IFT80: variants seen among roughly 807,000 people sequenced by gnomAD.
IFT80 encodes intraflagellar transport 80, also known as intraflagellar transport protein 80 homolog.
IFT80 carries 79 observed loss-of-function variants against 107.9 expected under a neutral mutation model. That is an observed-to-expected ratio of 0.73 (90% confidence interval 0.61 to 0.88). IFT80 has a LOEUF of 0.88. Among genes scored for constraint, IFT80 ranks in the 40% least tolerant of loss-of-function variants. The probability of loss-of-function intolerance (pLI) is 0.00; values close to 1 mark genes in which losing one functional copy is unlikely to be tolerated. For missense variants in IFT80, 797 were observed against 914.2 expected (o/e 0.87, Z 1.65); for synonymous variants, 299 against 300.9 (o/e 0.99, Z 0.07).
rs1717591279 is a variant in IFT80 at position 160,313,826 on chromosome 3, G to A, written c.957+5934C>T. On this transcript the variant is annotated intron_variant, in intron 9 of 19. Transcript: ENST00000326448. ...GGGTTTCACTATGTTGGTCAGGCTG[G>A]TCTTAACTTCTGACCTTGTGATCCA... is the stretch of plus-strand genomic sequence containing the variant. 1.3e-5 allele frequency among the ~76,000 whole-genome samples: 2 copies of A among 151,976 alleles called. 1 individual carries two copies. Among genetic ancestry groups the A allele is most frequent in the South Asian group, 4.1e-4 (2 of 4,822 alleles).
chr3:160,395,064 A>T (rs1713676053), intron 1 of IFT80, among the ~76,000 whole-genome samples: 1 of 152,214 alleles, frequency 6.6e-6, no homozygotes, highest in Non-Finnish European at 1.5e-5. Flanking sequence ...GTATTATTTA[A>T]TCTATCCACT....
chr3:160,370,234 T>C (rs180811687), intron 5 of IFT80, among the ~76,000 whole-genome samples: 4 of 152,306 alleles, frequency 2.6e-5, no homozygotes, highest in Admixed American at 2.6e-4. Context: ...TTGAATGCAG[T>C]ATCGGTCTAT....
At chr3:160,381,203 C>T (rs1179625166) in intron 3 of IFT80, among the ~76,000 whole-genome samples, 13 of 139,610 alleles carry the variant, frequency 9.3e-5, no homozygotes, top group African/African-American at 3.1e-4. Context: ...CACCACTGCA[C>T]TCTGGCCTGG....
chr3:160,332,018 T>G (rs2108318669), intron 8 of IFT80, among the ~76,000 whole-genome samples: 1 of 152,184 alleles, frequency 6.6e-6, no homozygotes, highest in African/African-American at 2.4e-5. Context: ...AATTTCCCAG[T>G]CTGGATTTTG....
chr3:160,343,119 AAAGT>A (rs1320892938), intron 8 of IFT80: 1 of 152,342 alleles, frequency 6.6e-6, no homozygotes, highest in South Asian at 2.1e-4. Flanking sequence ...GTACATTCAC[AAAGT>A]AAGTTTAAGT....
intron 9 of IFT80, among the ~76,000 whole-genome samples, chr3:160,315,080 G>A: frequency 7.5e-6 from 1 of 133,058 alleles, no homozygotes; most frequent in Non-Finnish European, 1.6e-5. Flanking sequence ...AGGGAGGGAG[G>A]GAGGGAGGGA....
At chr3:160,268,642 T>G (rs141875747) in intron 18 of IFT80, 106 bp from the exon 19 acceptor site, 1 of 1,066,138 alleles carries the variant, frequency 9.4e-7, no homozygotes, top group East Asian at 2.4e-5. Flanking sequence ...CCTCTGTTTA[T>G]TCCACAATAT....
At chr3:160,357,446 A>C (rs765280669) in intron 7 of IFT80, 43 bp downstream of exon 7, 1 of 1,068,106 alleles carries the variant, frequency 9.4e-7, no homozygotes, top group South Asian at 1.3e-5. Context: ...GTACTTATAA[A>C]TTTGATTATT....
intron 6 of IFT80, among the ~76,000 whole-genome samples, chr3:160,360,992 C>T (rs1721450038): frequency 6.6e-6 from 1 of 152,142 alleles, no homozygotes; most frequent in African/African-American, 2.4e-5. Context: ...AAATAACCAG[C>T]TAACATCACG....
intron 18 of IFT80, among the ~76,000 whole-genome samples, chr3:160,272,899 C>T (rs545136130): frequency 1.3e-5 from 2 of 152,256 alleles, no homozygotes; most frequent in South Asian, 4.1e-4. Flanking sequence ...TACACATATT[C>T]AATGTGGGCC....
chr3:160,324,084 A>T lies in IFT80; in HGVS notation c.778-4145T>A, dbSNP rs1475845358. ...CTCTCCCAAGACTAAACCAGGAAGA[A>T]GTTGAATCTCTGAATAGACCAGCAA... On this transcript the variant is annotated intron_variant, in intron 8 of 19. Transcript: ENST00000326448. Among the ~76,000 whole-genome samples the T allele has an allele frequency of 2.6e-5, 4 of 152,204 alleles. No individual in the cohort carries two copies. In the East Asian group the frequency reaches 7.7e-4, roughly 29 times the overall value.
chr3:160,323,347 A>G (rs1340637354), intron 8 of IFT80, among the ~76,000 whole-genome samples: 2 of 150,786 alleles, frequency 1.3e-5, no homozygotes, highest in African/African-American at 4.9e-5. Context: ...AGATAGTTGT[A>G]GATATGCGGC....
intron 3 of IFT80, among the ~76,000 whole-genome samples, chr3:160,378,899 C>T (rs1360880441): frequency 6.6e-6 from 1 of 151,986 alleles, no homozygotes; most frequent in Admixed American, 6.6e-5. Flanking sequence ...ATTTGGCAAA[C>T]TATCTTAGTA....
At position 160,325,843 on chromosome 3, in the gene IFT80, T is replaced by C. The variant is rs975663325; in HGVS notation, c.778-5904A>G. Among the ~76,000 whole-genome samples the C allele has an allele frequency of 2.6e-5, 4 of 152,242 alleles. 1 individual carries two copies. The highest frequency in any genetic ancestry group is 9.6e-5 in the African/African-American group (4 of 41,566). On this transcript the variant is annotated intron_variant, in intron 8 of 19. Transcript: ENST00000326448. The stretch of plus-strand genomic sequence containing the variant: ...GTCACATGAGGTCAAGTGTTGGAAT[T>C]TTCTACTTGTAGCATCATGTTCGTG...
chr3:160,324,978 C>T (rs1199522669), intron 8 of IFT80, among the ~76,000 whole-genome samples: 62 of 150,146 alleles, frequency 4.1e-4, no homozygotes, highest in Admixed American at 2.6e-3. Flanking sequence ...CATTCTTATA[C>T]ACCAATAACA....
At chr3:160,286,624 T>A (rs1715112437) in intron 12 of IFT80, among the ~76,000 whole-genome samples, 1 of 152,296 alleles carries the variant, frequency 6.6e-6, no homozygotes, top group South Asian at 2.1e-4. Context: ...TTGTCTTCTT[T>A]GGTGGGTCTG....
At chr3:160,347,647 AG>A (rs1214089290) in intron 8 of IFT80, among the ~76,000 whole-genome samples, 2 of 152,180 alleles carry the variant, frequency 1.3e-5, no homozygotes, top group African/African-American at 4.8e-5. Context: ...TACTTACGTG[AG>A]ATCATAGAGT....
intron 8 of IFT80, among the ~76,000 whole-genome samples, chr3:160,329,992 GCATCAA>G (rs1225141442): frequency 6.6e-6 from 1 of 152,136 alleles, no homozygotes; most frequent in African/African-American, 2.4e-5. Flanking sequence ...CAAGCCAGCA[GCATCAA>G]CATCATGTGT....
At chr3:160,311,991 C>A (rs1323454314) in intron 9 of IFT80, among the ~76,000 whole-genome samples, 3 of 152,206 alleles carry the variant, frequency 2.0e-5, no homozygotes, top group Non-Finnish European at 4.4e-5. Context: ...CCGTGTTAGC[C>A]AGGATGGCCT....
Sources: gnomAD v4.1 joint callset for allele counts (sites outside exome capture counted in the v4.1 genomes callset) on GRCh38, gnomAD v4.1.1 for gene constraint, MANE v1.5 for transcripts, NCBI Gene and HGNC (gene_info 2026-07-23, HGNC 2026-07-21) for gene names.